The following DIAPH2 variants were observed in gnomAD, a reference collection of about 807,000 sequenced individuals.
The protein encoded by DIAPH2 is diaphanous related formin 2, also known as protein diaphanous homolog 2.
A neutral mutation model predicts 92.7 loss-of-function variants in DIAPH2; 35 were observed. The observed-to-expected ratio is 0.38, with a 90% CI of 0.29 to 0.50. The LOEUF (loss-of-function observed/expected upper bound fraction) is 0.50, where lower values mean the gene tolerates loss of function less well. DIAPH2 is among the 20% of genes least tolerant of loss of function. The pLI is 0.94. For synonymous variants in DIAPH2, 301 were observed against 280.4 expected, an observed-to-expected ratio of 1.07 and a Z score of -0.73; for missense variants, 701 against 819.5, an observed-to-expected ratio of 0.86 and a Z score of 1.77.
chrX:96,725,417 A>G (rs1988020280), intron 1 of DIAPH2, among the ~76,000 whole-genome samples: 1 of 112,231 alleles, frequency 8.9e-6, no homozygotes, highest in African/African-American at 3.2e-5. Context: ...TTCCAAAAAC[A>G]CTTTTTAAAT....
At chrX:97,585,185 T>C (rs758879243) in intron 26 of DIAPH2, among the ~76,000 whole-genome samples, 31 of 109,931 alleles carry the variant, frequency 2.8e-4, no homozygotes, top group African/African-American at 9.9e-4. Context: ...TACTGTACCA[T>C]AAAGTGAAAA....
At chrX:97,510,662 A>C (rs1233896421) in intron 26 of DIAPH2, among the ~76,000 whole-genome samples, 3 of 101,234 alleles carry the variant, frequency 3.0e-5, no homozygotes, top group Non-Finnish European at 6.1e-5. Context: ...TTAAGTCTTT[A>C]ATCCATCTTG....
chrX:96,941,768 A>C (rs1011226850), intron 12 of DIAPH2, among the ~76,000 whole-genome samples: 1 of 110,000 alleles, frequency 9.1e-6, no homozygotes, highest in Non-Finnish European at 1.9e-5. Context: ...CAACACAAGC[A>C]TGAATCCCTG....
At chrX:97,449,966 C>CT (rs749651729) in intron 26 of DIAPH2, among the ~76,000 whole-genome samples, 4,301 of 97,377 alleles carry the variant, frequency 0.044, 62 homozygotes, top group African/African-American at 0.057. Flanking sequence ...AAGCAGCTGC[C>CT]TTTTTTTTTT....
intron 26 of DIAPH2, among the ~76,000 whole-genome samples, chrX:97,459,643 G>A (rs921550039): frequency 1.8e-5 from 2 of 111,909 alleles, no homozygotes; most frequent in African/African-American, 6.5e-5. Flanking sequence ...TGTATATTCT[G>A]CAGTTCACAT....
intron 26 of DIAPH2, among the ~76,000 whole-genome samples, chrX:97,527,920 A>C (rs750105148): frequency 3.6e-5 from 4 of 111,862 alleles, no homozygotes; most frequent in Non-Finnish European, 5.6e-5. Flanking sequence ...TTTGTAGTAC[A>C]ACTGTTGTGC....
chrX:97,252,402 G>A (rs1334308017), intron 23 of DIAPH2, among the ~76,000 whole-genome samples: 1 of 111,959 alleles, frequency 8.9e-6, no homozygotes, highest in African/African-American at 3.2e-5. Context: ...CTCATAGTAT[G>A]AGGGAAGTCA....
chrX:97,075,993 T>C (rs1386093566), intron 19 of DIAPH2, among the ~76,000 whole-genome samples: 1 of 111,853 alleles, frequency 8.9e-6, no homozygotes, highest in African/African-American at 3.3e-5. Context: ...ACCTCTATTT[T>C]CTCATTTGAA....
intron 17 of DIAPH2, among the ~76,000 whole-genome samples, chrX:97,010,265 C>G (rs187570432): frequency 1.8e-5 from 2 of 110,436 alleles, no homozygotes; most frequent in East Asian, 5.7e-4. Flanking sequence ...TGTGCTCTCT[C>G]TTCCCAAAGT....
intron 22 of DIAPH2, among the ~76,000 whole-genome samples, chrX:97,186,055 C>A (rs1030011272): frequency 2.7e-5 from 3 of 110,343 alleles, no homozygotes; most frequent in African/African-American, 9.9e-5. Context: ...ATCCCAAATC[C>A]CGGACCTATA....
chrX:96,768,788 A>T (rs1436229099), intron 4 of DIAPH2, among the ~76,000 whole-genome samples: 1 of 111,519 alleles, frequency 9.0e-6, no homozygotes, highest in Non-Finnish European at 1.9e-5. Flanking sequence ...AAGGGAAAGT[A>T]TGGGGGTGTT....
chrX:97,364,483 C>T (rs2069359644), intron 24 of DIAPH2, among the ~76,000 whole-genome samples: 1 of 112,186 alleles, frequency 8.9e-6, no homozygotes, highest in East Asian at 2.8e-4. Context: ...AAATACTACA[C>T]TCACCTTGTA....
At chrX:96,802,551 G>A (rs1410100319) in intron 4 of DIAPH2, among the ~76,000 whole-genome samples, 1 of 111,660 alleles carries the variant, frequency 9.0e-6, no homozygotes, top group African/African-American at 3.3e-5. Context: ...TTGGAATGTG[G>A]TTTTGTATAA....
intron 22 of DIAPH2, among the ~76,000 whole-genome samples, chrX:97,236,790 C>T (rs1338613562): frequency 9.0e-6 from 1 of 110,708 alleles, no homozygotes; most frequent in African/African-American, 3.3e-5. Flanking sequence ...GTGATCCACC[C>T]GCCTCGGCCT....
chrX:97,300,658 C>T (rs994292864), intron 23 of DIAPH2, among the ~76,000 whole-genome samples: 4 of 102,008 alleles, frequency 3.9e-5, no homozygotes, highest in Admixed American at 2.2e-4. Context: ...TCCGGCCGGG[C>T]GCGGTGGCTC....
At chrX:97,012,672 C>T (rs975693150) in intron 17 of DIAPH2, among the ~76,000 whole-genome samples, 6 of 112,055 alleles carry the variant, frequency 5.4e-5, no homozygotes, top group Non-Finnish European at 1.1e-4. Flanking sequence ...TGTAAACTTA[C>T]TACCTCTGTG....
At chrX:96,835,075 A>G (rs1160558758) in intron 4 of DIAPH2, among the ~76,000 whole-genome samples, 1 of 111,715 alleles carries the variant, frequency 9.0e-6, no homozygotes, top group African/African-American at 3.3e-5. Context: ...TTCAGTTAAA[A>G]TTTTACTGTT....
At chrX:97,524,156 C>G (rs1456999568) in intron 26 of DIAPH2, among the ~76,000 whole-genome samples, 5 of 111,772 alleles carry the variant, frequency 4.5e-5, no homozygotes, top group Non-Finnish European at 9.4e-5. Context: ...GAAATGTAAC[C>G]TCCATGAGAG....
chrX:97,419,745 A>G (rs1433568350), intron 25 of DIAPH2, among the ~76,000 whole-genome samples: 3 of 112,267 alleles, frequency 2.7e-5, no homozygotes, highest in Admixed American at 1.9e-4. Flanking sequence ...TATAGTCAGC[A>G]TTCAATAAAT....
Sources: allele counts gnomAD v4.1 joint callset (sites outside exome capture counted in the v4.1 genomes callset), GRCh38; gene constraint gnomAD v4.1.1; transcripts MANE v1.5; gene names NCBI Gene and HGNC (gene_info 2026-07-23, HGNC 2026-07-21).